The following TBC1D25 variants were observed in gnomAD, a reference collection of about 807,000 sequenced individuals.
TBC1D25 encodes 5SN3 snoRNA.
A neutral mutation model predicts 38.8 loss-of-function variants in TBC1D25; 13 were observed. The ratio of observed to expected loss-of-function variants is 0.34; its 90% CI spans 0.22 to 0.53. TBC1D25 has a LOEUF of 0.53. TBC1D25 is among the 20% of genes least tolerant of loss of function. The probability of loss-of-function intolerance (pLI) is 0.94; values close to 1 mark genes in which losing one functional copy is unlikely to be tolerated. For missense variants in TBC1D25, 372 were observed against 600.0 expected, an observed-to-expected ratio of 0.62 and a Z score of 3.97; for synonymous variants, 225 against 255.6, an observed-to-expected ratio of 0.88 and a Z score of 1.14.
chrX:48,556,464 A>G (rs2061975759), intron 3 of TBC1D25, among the ~76,000 whole-genome samples: 1 of 111,166 alleles, frequency 9.0e-6, no homozygotes, highest in Non-Finnish European at 1.9e-5. Context: ...AGTTTCTTAC[A>G]TCTTCCTTTT....
chrX:48,541,362 C>G lies in TBC1D25; in HGVS notation c.153C>G (p.Phe51Leu), dbSNP rs1205682471. Residue 51 changes from phenylalanine (F) to leucine (L), a missense_variant, in exon 2 of 6, where the codon TTC (phenylalanine) becomes TTG (leucine). By Grantham distance (22) the Phe-to-Leu change is conservative (BLOSUM62 0). Around this residue, in one of 2 missense-constraint regions of TBC1D25, gnomAD observed 60 missense variants for 50.7 expected, o/e 1.18. Transcript: ENST00000376771. ...KKCESFLPPE[F>L]RSFAVDPQIT... ...GTGAGAGCTTCTTGCCGCCAGAGTT[C>G]CGCTCTTTTGCTGTAGATCCCCAGA... is the stretch of plus-strand genomic sequence containing the variant. 1 of 1,211,832 alleles carries G rather than the reference C, an allele frequency of 8.3e-7. No individual in the cohort carries two copies. Among genetic ancestry groups the G allele is most frequent in the East Asian group, 3.0e-5 (1 of 33,850 alleles).
chrX:48,539,726 G>T lies in TBC1D25; in HGVS notation c.-72G>T. 3 of 935,158 alleles carry T rather than the reference G, an allele frequency of 3.2e-6. No homozygotes were observed. The Admixed American group carries it at 1.7e-4, about 54-fold the overall frequency. 77.1% of individuals were successfully genotyped at this position (935,158 alleles called of 1,213,427 possible). On this transcript the variant is annotated 5_prime_UTR_variant, in exon 1 of 6. Coordinates refer to ENST00000376771, the MANE Select transcript of TBC1D25 (RefSeq NM_002536.4). ...CCCGGCACGAGGTGGGGCGGCGGGC[G>T]TCAGTACAGTAGAGTGTGCGCCGGG... is the stretch of plus-strand genomic sequence containing the variant.
At position 48,559,731 on chromosome X, in the gene TBC1D25, C is replaced by T; in HGVS notation, c.823C>T (p.Arg275Ter). ...YEQLKSEWAQ[R>*]ANPEDLEFIR... is the part of the protein sequence containing the mutation. ...GCAGCTCAAGAGCGAGTGGGCCCAG[C>T]GAGCGAACCCTGAGGACCTGGAATT... is the stretch of plus-strand genomic sequence containing the variant. Residue 275 changes from arginine to a stop codon, truncating the protein, a stop_gained, in exon 6 of 6, where the codon CGA (arginine) becomes TGA (stop). Transcript: ENST00000376771. LOFTEE classifies it high-confidence loss of function. The T allele has an allele frequency of 8.3e-7, 1 of 1,211,798 alleles. No individual in the cohort carries two copies. The highest frequency in any genetic ancestry group is 1.1e-6 in the Non-Finnish European group (1 of 895,491).
Position 48,559,184 on chromosome X carries a change from A to G in TBC1D25, c.543A>G (p.Gln181=), listed in dbSNP as rs782425488. ...TQVGRTLSKV[Q]QVLSWSYGED... ...TGGGCCGTACCTTGTCTAAGGTCCA[A>G]CAAGTGCTGAGCTGGTCGTATGGGG... The change falls in exon 5 of 6, where the codon CAA becomes CAG. Residue 181 remains glutamine (Q), a synonymous_variant. Transcript: ENST00000376771. 2.5e-6 allele frequency: 3 copies of G among 1,211,119 alleles called. No homozygotes were observed. Among genetic ancestry groups the G allele is most frequent in the Admixed American group, 2.2e-5 (1 of 45,891 alleles).
chrX:48,559,181 C>G lies in TBC1D25; in HGVS notation c.540C>G (p.Val180=). 8.3e-7 allele frequency: 1 copy of G among 1,211,071 alleles called. No individual in the cohort carries two copies. Among genetic ancestry groups the G allele is most frequent in the Non-Finnish European group, 1.1e-6 (1 of 895,321 alleles). The change falls in exon 5 of 6, where the codon GTC becomes GTG. Residue 180 remains valine (V), a synonymous_variant. Coordinates refer to ENST00000376771, the MANE Select transcript of TBC1D25 (RefSeq NM_002536.4). ...AGGTGGGCCGTACCTTGTCTAAGGT[C>G]CAACAAGTGCTGAGCTGGTCGTATG... ...LTQVGRTLSK[V]QQVLSWSYGE... is the part of the protein sequence containing the mutation.
intron 3 of TBC1D25, among the ~76,000 whole-genome samples, chrX:48,558,342 T>C (rs1419120661): frequency 9.0e-6 from 1 of 111,409 alleles, no homozygotes; most frequent in Non-Finnish European, 1.9e-5. Context: ...GGAGGAGGAC[T>C]GGCAAAAATA....
intron 2 of TBC1D25, 140 bp from the exon 3 acceptor site, chrX:48,544,729 A>G (rs2061868683): frequency 7.7e-6 from 6 of 774,903 alleles, no homozygotes; most frequent in Admixed American, 7.9e-5. Context: ...CAGGCTGCCC[A>G]TAATCCTTGG....
At chrX:48,546,661 A>G (rs1407414462) in intron 3 of TBC1D25, among the ~76,000 whole-genome samples, 1 of 112,484 alleles carries the variant, frequency 8.9e-6, no homozygotes, top group African/African-American at 3.2e-5. Flanking sequence ...TTGGAAGGAC[A>G]CATTCAAACC....
At position 48,543,047 on chromosome X, in the gene TBC1D25, A is replaced by AT. The variant is rs781840857; in HGVS notation, c.233+1606dup. ...CCTAATTTATCAATTAAACCTTATC[A>AT]TAGGTATGTATGTATATGAAAAAAA... is the stretch of plus-strand genomic sequence containing the variant. On this transcript the variant is annotated intron_variant, in intron 2 of 5. Transcript: ENST00000376771. 3.2e-4 allele frequency among the ~76,000 whole-genome samples: 36 copies of AT among 110,812 alleles called. 1 individual carries two copies. Among genetic ancestry groups the AT allele is most frequent in the Admixed American group, 2.4e-3 (25 of 10,315 alleles).
chrX:48,545,774 A>T (rs1228507699), intron 3 of TBC1D25, among the ~76,000 whole-genome samples: 3 of 112,313 alleles, frequency 2.7e-5, no homozygotes, highest in African/African-American at 9.7e-5. Flanking sequence ...AAGAAGAGAA[A>T]TTTATTTCTC....
chrX:48,553,006 T>G (rs996137002), intron 3 of TBC1D25, among the ~76,000 whole-genome samples: 1 of 109,225 alleles, frequency 9.2e-6, no homozygotes, highest in African/African-American at 3.3e-5. Context: ...GCCAGGCTGG[T>G]CTTGAACTCC....
intron 3 of TBC1D25, among the ~76,000 whole-genome samples, chrX:48,554,636 C>T (rs782125678): frequency 3.7e-5 from 4 of 108,363 alleles, no homozygotes; most frequent in African/African-American, 1.0e-4. Context: ...CTATCTAAGA[C>T]TTGGTGAGCC....
chrX:48,552,092 C>T (rs1018754389), intron 3 of TBC1D25, among the ~76,000 whole-genome samples: 39 of 111,904 alleles, frequency 3.5e-4, no homozygotes, highest in Non-Finnish European at 1.7e-4. Context: ...TAATTTTTAA[C>T]CTTTTTGTGT....
chrX:48,545,011 C>G lies in TBC1D25; in HGVS notation c.376C>G (p.Pro126Ala). The G allele has an allele frequency of 8.3e-7, 1 of 1,206,129 alleles. No homozygotes were observed. Among genetic ancestry groups the G allele is most frequent in the East Asian group, 3.0e-5 (1 of 33,660 alleles). The stretch of plus-strand genomic sequence containing the variant: ...CCTGCAATTGCGTGTAGATATTCGG[C>G]CCTCGGAGGACAGTGAGTACTCAGT... Reference protein sequence around the residue: ...PYLQLRVDIRPSEDSPLLEDW... With the variant: ...PYLQLRVDIRASEDSPLLEDW... Residue 126 changes from proline to alanine, a missense_variant, in exon 3 of 6, where the codon CCC (proline) becomes GCC (alanine). Around this residue, in one of 2 missense-constraint regions of TBC1D25, gnomAD observed 312 missense variants for 549.3 expected, o/e 0.57. Coordinates refer to ENST00000376771, the MANE Select transcript of TBC1D25 (RefSeq NM_002536.4).
chrX:48,555,604 A>G lies in TBC1D25; in HGVS notation c.389-3293A>G, dbSNP rs188650645. Reference sequence around the variant, plus strand: ...GATTGAGAAAAGAAATAAGACACAGAGACAAAGTATAGAGAAAGAACAGTG... The same window carrying G: ...GATTGAGAAAAGAAATAAGACACAGGGACAAAGTATAGAGAAAGAACAGTG... On this transcript the variant is annotated intron_variant, in intron 3 of 5. Transcript: ENST00000376771. 2.5e-3 allele frequency among the ~76,000 whole-genome samples: 283 copies of G among 111,434 alleles called. 5 individuals are homozygous for G. The highest frequency in any genetic ancestry group is 1.4e-3 in the Non-Finnish European group (73 of 53,059).
chrX:48,540,871 CAG>C (rs1335534872), intron 1 of TBC1D25, among the ~76,000 whole-genome samples: 4 of 112,029 alleles, frequency 3.6e-5, no homozygotes, highest in African/African-American at 9.7e-5. Flanking sequence ...ATGTTCCAGA[CAG>C]GGGATCAGCA....
At chrX:48,549,076 C>CT (rs2061909472) in intron 3 of TBC1D25, among the ~76,000 whole-genome samples, 1 of 112,574 alleles carries the variant, frequency 8.9e-6, no homozygotes, top group African/African-American at 3.2e-5. Context: ...TTGAGACTCT[C>CT]TTTGTCACCA....
chrX:48,539,865 A>G lies in TBC1D25; in HGVS notation c.68A>G (p.Gln23Arg). 2 of 971,450 alleles carry G rather than the reference A, an allele frequency of 2.1e-6. No individual in the cohort carries two copies. The highest frequency in any genetic ancestry group is 2.6e-6 in the Non-Finnish European group (2 of 770,787). 80.1% of individuals were successfully genotyped at this position (971,450 alleles called of 1,213,427 possible). Residue 23 changes from glutamine (Q) to arginine (R), a missense_variant, in exon 1 of 6, where the codon CAG (glutamine) becomes CGG (arginine). Coordinates refer to ENST00000376771, the MANE Select transcript of TBC1D25 (RefSeq NM_002536.4). Reference protein sequence around the residue: ...SGAPPPGVGAQAAAAAEEEER... With the variant: ...SGAPPPGVGARAAAAAEEEER... The stretch of plus-strand genomic sequence containing the variant: ...GCGCCCCCGCCCGGTGTGGGAGCTC[A>G]GGCGGCGGCGGCCGCTGAGGAGGAG...
chrX:48,541,372 G>A lies in TBC1D25; in HGVS notation c.163G>A (p.Ala55Thr), dbSNP rs2147166584. The change falls in exon 2 of 6, where the codon GCT becomes ACT. Residue 55 changes from alanine (A) to threonine (T), a missense_variant. Physicochemically the swap from Ala to Thr is moderately conservative, Grantham distance 58. Transcript: ENST00000376771. ...CTTGCCGCCAGAGTTCCGCTCTTTT[G>A]CTGTAGATCCCCAGATCACCTCGCT... ...SFLPPEFRSF[A>T]VDPQITSLDV... is the part of the protein sequence containing the mutation. 1.7e-6 allele frequency: 2 copies of A among 1,211,927 alleles called. No homozygotes were observed. Among genetic ancestry groups the A allele is most frequent in the Non-Finnish European group, 2.2e-6 (2 of 895,584 alleles).
Sources: allele counts gnomAD v4.1 joint callset (sites outside exome capture counted in the v4.1 genomes callset), GRCh38; gene constraint gnomAD v4.1.1; regional missense constraint gnomAD v4.1.1; transcripts MANE v1.5; gene names NCBI Gene and HGNC (gene_info 2026-07-23, HGNC 2026-07-21).